The following NRG3 variants were observed in gnomAD, a reference collection of about 807,000 sequenced individuals.
NRG3 encodes neuregulin 3.
In NRG3, 31 loss-of-function variants were observed where a neutral mutation model predicts 66.9. The observed-to-expected ratio is 0.46, with a 90% CI of 0.35 to 0.63. The LOEUF is 0.63. NRG3 is among the 20% of genes least tolerant of loss of function. The probability of loss-of-function intolerance (pLI) is 0.00; values close to 1 mark genes in which losing one functional copy is unlikely to be tolerated. For missense variants in NRG3, 910 were observed against 878.9 expected (o/e 1.04, Z -0.45); for synonymous variants, 393 against 359.4 (o/e 1.09, Z -1.06).
chr10:82,251,745 G>C (rs2134105210), intron 1 of NRG3, among the ~76,000 whole-genome samples: 1 of 152,294 alleles, frequency 6.6e-6, no homozygotes, highest in East Asian at 1.9e-4. Flanking sequence ...AAAGCACCAT[G>C]TGGTCACCGG....
At chr10:82,815,619 A>G (rs1228928818) in intron 3 of NRG3, among the ~76,000 whole-genome samples, 1 of 152,034 alleles carries the variant, frequency 6.6e-6, no homozygotes, top group East Asian at 1.9e-4. Context: ...TTCTCATTGT[A>G]ACATGTGTAT....
chr10:82,829,054 G>T (rs955421713), intron 3 of NRG3, among the ~76,000 whole-genome samples: 1 of 152,072 alleles, frequency 6.6e-6, no homozygotes, highest in Non-Finnish European at 1.5e-5. Flanking sequence ...GACAGCCTGT[G>T]CTGCAGTTCT....
intron 4 of NRG3, among the ~76,000 whole-genome samples, chr10:82,909,353 C>A (rs532373986): frequency 3.3e-5 from 5 of 152,312 alleles, no homozygotes; most frequent in African/African-American, 7.2e-5. Flanking sequence ...CATCCCTAAT[C>A]TGAAAATTCA....
intron 1 of NRG3, among the ~76,000 whole-genome samples, chr10:82,241,464 C>T (rs971523815): frequency 3.9e-5 from 6 of 152,078 alleles, no homozygotes; most frequent in Non-Finnish European, 7.4e-5. Flanking sequence ...TGTCCTCCAT[C>T]ACCATTCCCA....
At chr10:82,563,141 A>T (rs9702693) in intron 2 of NRG3, among the ~76,000 whole-genome samples, 18,862 of 152,158 alleles carry the variant, frequency 0.12, 2,214 homozygotes, top group African/African-American at 0.3. Context: ...ATGGACAAAT[A>T]CCATAGTCAT....
At chr10:81,946,851 A>G (rs551463408) in intron 1 of NRG3, among the ~76,000 whole-genome samples, 4 of 152,320 alleles carry the variant, frequency 2.6e-5, no homozygotes, top group African/African-American at 9.6e-5. Flanking sequence ...GGCCAAATAT[A>G]AACCACGGGC....
At chr10:82,837,222 T>C (rs1457764793) in intron 3 of NRG3, among the ~76,000 whole-genome samples, 1 of 152,204 alleles carries the variant, frequency 6.6e-6, no homozygotes, top group Non-Finnish European at 1.5e-5. Flanking sequence ...TGTGTCTTTA[T>C]AGCAGCATGA....
chr10:81,985,940 AC>A (rs1339947212), intron 1 of NRG3, among the ~76,000 whole-genome samples: 1 of 152,246 alleles, frequency 6.6e-6, no homozygotes, highest in East Asian at 1.9e-4. Context: ...AATTACTGCA[AC>A]AAGTGGTAAG....
intron 1 of NRG3, among the ~76,000 whole-genome samples, chr10:82,299,676 G>A (rs948796625): frequency 1.2e-4 from 18 of 152,070 alleles, no homozygotes; most frequent in African/African-American, 4.3e-4. Flanking sequence ...TCAGAGTTGA[G>A]TAGTTGTAAC....
chr10:82,645,755 T>C (rs1194900456), intron 2 of NRG3, among the ~76,000 whole-genome samples: 2 of 152,124 alleles, frequency 1.3e-5, no homozygotes, highest in East Asian at 3.8e-4. Context: ...TGGTTATAGG[T>C]GGGGAAAAAA....
intron 1 of NRG3, among the ~76,000 whole-genome samples, chr10:82,072,028 C>T (rs1293176986): frequency 6.6e-6 from 1 of 152,092 alleles, no homozygotes; most frequent in Non-Finnish European, 1.5e-5. Context: ...ATTTGTTCTT[C>T]CAATGGTTCT....
chr10:82,646,126 A>C (rs1411444796), intron 2 of NRG3, among the ~76,000 whole-genome samples: 1 of 152,106 alleles, frequency 6.6e-6, no homozygotes, highest in Non-Finnish European at 1.5e-5. Flanking sequence ...TGGGGATCTG[A>C]ATGCTTGATC....
intron 1 of NRG3, among the ~76,000 whole-genome samples, chr10:82,103,977 T>A (rs2132149949): frequency 6.6e-6 from 1 of 152,076 alleles, no homozygotes; most frequent in Non-Finnish European, 1.5e-5. Context: ...TCGTGCCTTT[T>A]TTTTTTTTTA....
At chr10:82,826,759 G>T (rs763659082) in intron 3 of NRG3, among the ~76,000 whole-genome samples, 25 of 152,108 alleles carry the variant, frequency 1.6e-4, no homozygotes, top group Non-Finnish European at 1.2e-4. Context: ...GCCTACTTGA[G>T]GTGGGAGGGT....
intron 4 of NRG3, 141 bp from the exon 5 acceptor site, chr10:82,951,328 T>G (rs147616818): frequency 4.5e-5 from 27 of 605,780 alleles, no homozygotes; most frequent in East Asian, 3.9e-4. Context: ...TCATAATAAG[T>G]TCCTTGTTTT....
At chr10:82,329,837 G>A (rs912335464) in intron 1 of NRG3, among the ~76,000 whole-genome samples, 16 of 152,120 alleles carry the variant, frequency 1.1e-4, no homozygotes, top group South Asian at 2.1e-4. Flanking sequence ...GGAAGGCCAC[G>A]CTCTAGGCAG....
intron 2 of NRG3, among the ~76,000 whole-genome samples, chr10:82,665,715 C>T (rs2052719062): frequency 6.6e-6 from 1 of 152,150 alleles, no homozygotes; most frequent in Non-Finnish European, 1.5e-5. Context: ...CAGTGCACCT[C>T]CACATAACAG....
chr10:82,004,875 A>G (rs2061324353), intron 1 of NRG3, among the ~76,000 whole-genome samples: 1 of 152,194 alleles, frequency 6.6e-6, no homozygotes, highest in African/African-American at 2.4e-5. Flanking sequence ...TTACAACTTG[A>G]TCTTGGACTT....
chr10:82,855,330 T>C (rs1228960287), intron 3 of NRG3, among the ~76,000 whole-genome samples: 2 of 152,150 alleles, frequency 1.3e-5, no homozygotes, highest in African/African-American at 4.8e-5. Context: ...TTTTCTTTCA[T>C]TTCTTTCTCT....
Sources: gnomAD v4.1 joint callset for allele counts (sites outside exome capture counted in the v4.1 genomes callset) on GRCh38, gnomAD v4.1.1 for gene constraint, MANE v1.5 for transcripts, NCBI Gene and HGNC (gene_info 2026-07-23, HGNC 2026-07-21) for gene names.